POFUT3: variants seen among roughly 807,000 people sequenced by gnomAD.
POFUT3 encodes protein O-fucosyltransferase 3.
chr8:33,436,659 TGTA>T, the POFUT3 span: 1 of 858,616 alleles, frequency 1.2e-6, no homozygotes, highest in Admixed American at 1.8e-5. Flanking sequence ...TCTCCCGCTG[TGTA>T]GCCTCCCAGG....
chr8:33,416,101 C>A, the POFUT3 span, among the ~76,000 whole-genome samples: 1 of 151,888 alleles, frequency 6.6e-6, no homozygotes, highest in African/African-American at 2.4e-5. Context: ...AAAACAAAAA[C>A]AATCAAAGAA....
At chr8:33,383,992 C>A in the POFUT3 span, among the ~76,000 whole-genome samples, 1 of 152,012 alleles carries the variant, frequency 6.6e-6, no homozygotes, top group African/African-American at 2.4e-5. Context: ...AGGGGACTAC[C>A]AGGAACTTAA....
the POFUT3 span, among the ~76,000 whole-genome samples, chr8:33,343,242 G>C: frequency 6.6e-6 from 1 of 152,174 alleles, no homozygotes; most frequent in Non-Finnish European, 1.5e-5. Flanking sequence ...CCAGATCTCT[G>C]TCCTGACCTC....
the POFUT3 span, among the ~76,000 whole-genome samples, chr8:33,328,538 G>T: frequency 6.6e-6 from 1 of 152,122 alleles, no homozygotes. Context: ...ATGAAGACTG[G>T]TCTCTGGGCA....
the POFUT3 span, among the ~76,000 whole-genome samples, chr8:33,334,575 T>G: frequency 3.3e-5 from 5 of 152,178 alleles, no homozygotes; most frequent in Admixed American, 2.6e-4. Context: ...GATTCTGCAT[T>G]TCTAACATGT....
the POFUT3 span, among the ~76,000 whole-genome samples, chr8:33,342,966 GT>G: frequency 3.9e-5 from 6 of 152,070 alleles, no homozygotes; most frequent in Non-Finnish European, 8.8e-5. Flanking sequence ...TATTAGCCGG[GT>G]GTGGTGTCGC....
the POFUT3 span, chr8:33,436,218 G>C: frequency 7.6e-7 from 1 of 1,317,554 alleles, no homozygotes. Context: ...CCCAGAGACT[G>C]GGTACCACGA....
At chr8:33,436,638 G>T in the POFUT3 span, 1 of 873,776 alleles carries the variant, frequency 1.1e-6, no homozygotes, top group Non-Finnish European at 1.9e-6. Flanking sequence ...ACTGCTAGAA[G>T]AGTGAGCGAA....
chr8:33,373,249 T>G, the POFUT3 span, among the ~76,000 whole-genome samples: 2 of 152,236 alleles, frequency 1.3e-5, no homozygotes, highest in Admixed American at 6.5e-5. Context: ...AAATGTGTTC[T>G]CAATCTCTGG....
the POFUT3 span, among the ~76,000 whole-genome samples, chr8:33,370,173 A>G: frequency 1.5e-5 from 1 of 66,270 alleles, no homozygotes; most frequent in Non-Finnish European, 2.5e-5. Context: ...CTTTACTAAA[A>G]AAAAAAAAAA....
chr8:33,405,300 A>T, the POFUT3 span, among the ~76,000 whole-genome samples: 2 of 152,182 alleles, frequency 1.3e-5, no homozygotes, highest in African/African-American at 4.8e-5. Flanking sequence ...CTCAAAAAAA[A>T]AAGGAAAAAT....
At chr8:33,315,056 T>C in the POFUT3 span, among the ~76,000 whole-genome samples, 3 of 152,204 alleles carry the variant, frequency 2.0e-5, no homozygotes, top group Non-Finnish European at 4.4e-5. Context: ...GACTGCACAT[T>C]TACTTTTCAA....
At chr8:33,465,097 A>T in the POFUT3 span, among the ~76,000 whole-genome samples, 12,840 of 152,154 alleles carry the variant, frequency 0.084, 713 homozygotes, top group African/African-American at 0.16. Flanking sequence ...GTAAATAATA[A>T]ATGTTAACTA....
the POFUT3 span, among the ~76,000 whole-genome samples, chr8:33,313,850 A>G: frequency 5.9e-5 from 9 of 152,232 alleles, no homozygotes; most frequent in South Asian, 1.7e-3. Context: ...ACCTAGAGTC[A>G]GTTAAATTGC....
chr8:33,366,663 G>C, the POFUT3 span, among the ~76,000 whole-genome samples: 2 of 152,076 alleles, frequency 1.3e-5, no homozygotes, highest in Non-Finnish European at 1.5e-5. Flanking sequence ...GTGGATATTC[G>C]TTTTCCAAAA....
At chr8:33,444,787 C>T in the POFUT3 span, among the ~76,000 whole-genome samples, 3 of 152,020 alleles carry the variant, frequency 2.0e-5, no homozygotes, top group Non-Finnish European at 4.4e-5. Context: ...CACTGCATTC[C>T]AGCCTGGATG....
the POFUT3 span, among the ~76,000 whole-genome samples, chr8:33,396,922 A>G: frequency 6.6e-6 from 1 of 152,220 alleles, no homozygotes; most frequent in Non-Finnish European, 1.5e-5. Context: ...ATTTTACTAC[A>G]GAGCCTTTTA....
the POFUT3 span, among the ~76,000 whole-genome samples, chr8:33,464,486 C>T: frequency 5.3e-5 from 8 of 152,188 alleles, no homozygotes; most frequent in Non-Finnish European, 1.2e-4. Context: ...GAAGTGCACA[C>T]ATTCCTTTAT....
At chr8:33,333,947 G>A in the POFUT3 span, among the ~76,000 whole-genome samples, 19 of 152,212 alleles carry the variant, frequency 1.2e-4, no homozygotes, top group East Asian at 3.3e-3. Flanking sequence ...TATAGGGAAA[G>A]ACCTAGAAAA....
Sources: gnomAD v4.1 joint callset for allele counts (sites outside exome capture counted in the v4.1 genomes callset) on GRCh38, gnomAD v4.1.1 for gene constraint, MANE v1.5 for transcripts, NCBI Gene and HGNC (gene_info 2026-07-23, HGNC 2026-07-21) for gene names.